The following FBXL19 variants were observed in gnomAD, a reference collection of about 807,000 sequenced individuals.
FBXL19 encodes the protein F-box/LRR-repeat protein 19.
Under a neutral mutation model 71.2 loss-of-function variants are expected in FBXL19, and 16 were observed. That is an observed-to-expected ratio of 0.22 (90% CI 0.15 to 0.34). FBXL19 has a LOEUF of 0.34. Ranked by LOEUF, FBXL19 falls within the 10% of genes least tolerant of loss-of-function variation. The probability of loss-of-function intolerance (pLI) is 1.00; values close to 1 mark genes in which losing one functional copy is unlikely to be tolerated. For synonymous variants in FBXL19, 447 were observed against 409.4 expected, an observed-to-expected ratio of 1.09 and a Z score of -1.11; for missense variants, 658 against 968.2, an observed-to-expected ratio of 0.68 and a Z score of 4.25.
In FBXL19 at chr16:30,946,708, G is replaced by T. The variant is rs768820792; in HGVS notation, c.1628-22G>T. On this transcript the variant is annotated intron_variant, in intron 9 of 10. Transcript: ENST00000338343. The surrounding 1 kb of genome is among the most constrained non-coding windows in gnomAD (Gnocchi z 6.7). The stretch of plus-strand genomic sequence containing the variant: ...AGGGATGGGAGTGGCCAGGAGTGCT[G>T]ACCTCTCATCTGGCTGCCCAGGGCA... The T allele has an allele frequency of 6.2e-7, 1 of 1,603,780 alleles. No individual in the cohort carries two copies. The highest frequency in any genetic ancestry group is 8.5e-7 in the Non-Finnish European group (1 of 1,176,014).
At chr16:30,932,839 CTTTTTTTT>C (rs1188274971) in intron 7 of FBXL19, among the ~76,000 whole-genome samples, 1 of 130,480 alleles carries the variant, frequency 7.7e-6, no homozygotes, top group Non-Finnish European at 1.6e-5. Flanking sequence ...GCAATGATAA[CTTTTTTTT>C]TTTTTTTTTT....
chr16:30,925,644 G>A lies in FBXL19; in HGVS notation c.-24-87G>A. Reference sequence around the variant, plus strand: ...CCCCTGAGGAAGAGGGCAGGCTCTAGCTGCCTGTAGGTGGAGGGACCTGTC... The same window carrying A: ...CCCCTGAGGAAGAGGGCAGGCTCTAACTGCCTGTAGGTGGAGGGACCTGTC... On this transcript the variant is annotated intron_variant, in intron 1 of 10. Transcript: ENST00000338343. This position sits in a 1 kb window ranked among gnomAD's most constrained non-coding sequence, Gnocchi z 5.0. 7.5e-7 allele frequency: 1 copy of A among 1,339,758 alleles called. No individual in the cohort carries two copies. Among genetic ancestry groups the A allele is most frequent in the Non-Finnish European group, 9.6e-7 (1 of 1,041,884 alleles). 83.0% of individuals were successfully genotyped at this position (1,339,758 alleles called of 1,614,324 possible). A position where few individuals can be genotyped will look rare whatever the true frequency, so the allele number is the denominator to read the frequency against.
At chr16:30,932,006 G>A (rs1351660008) in intron 7 of FBXL19, among the ~76,000 whole-genome samples, 2 of 151,754 alleles carry the variant, frequency 1.3e-5, no homozygotes, top group East Asian at 3.8e-4. Flanking sequence ...CTCCCAAAGT[G>A]CTGGGATTAC....
In FBXL19 at chr16:30,928,447, T is replaced by C; in HGVS notation, c.628-20T>C. 6.5e-7 allele frequency: 1 copy of C among 1,542,610 alleles called. No homozygotes were observed. Among genetic ancestry groups the C allele is most frequent in the Non-Finnish European group, 8.7e-7 (1 of 1,143,886 alleles). On this transcript the variant is annotated intron_variant, in intron 5 of 10. Transcript: ENST00000338343. ...AATGGGGTCTCTCCCTTCCTCCATA[T>C]CTCCCTCTCACCCTGGTAGGTGAAA... is the stretch of plus-strand genomic sequence containing the variant.
chr16:30,943,597 A>G (rs2055825911), intron 9 of FBXL19, among the ~76,000 whole-genome samples: 1 of 151,574 alleles, frequency 6.6e-6, no homozygotes, highest in African/African-American at 2.4e-5. Context: ...GATGGTCTTG[A>G]TCTCCTGACC....
intron 2 of FBXL19, among the ~76,000 whole-genome samples, chr16:30,926,902 G>A (rs963307016): frequency 6.6e-6 from 1 of 152,158 alleles, no homozygotes; most frequent in Admixed American, 6.5e-5. Context: ...TGCTCATGGA[G>A]CGACCTTGGT....
Position 30,946,883 on chromosome 16 carries a change from G to C in FBXL19, c.1781G>C (p.Ser594Thr). The change falls in exon 10 of 11, where the codon AGT (serine) becomes ACT (threonine). Residue 594 changes from serine to threonine, a missense_variant. This residue lies in a region of FBXL19 where 69 missense variants were observed against 177.8 expected (regional missense o/e 0.39). Coordinates refer to ENST00000338343, the MANE Select transcript of FBXL19 (RefSeq NM_001382779.1). The surrounding 1 kb of genome is among the most constrained non-coding windows in gnomAD (Gnocchi z 6.7). The stretch of plus-strand genomic sequence containing the variant: ...CACTGCGCCCACGTCGGGGACCCCA[G>C]TGTTCACCTCCTCACGGCCCCCACG... ...LSHCAHVGDP[S>T]VHLLTAPTSP... 1.2e-6 allele frequency: 2 copies of C among 1,611,584 alleles called. No homozygotes were observed. Among genetic ancestry groups the C allele is most frequent in the Non-Finnish European group, 1.7e-6 (2 of 1,179,482 alleles).
chr16:30,943,519 C>T (rs1056827639), intron 9 of FBXL19, among the ~76,000 whole-genome samples: 8 of 151,712 alleles, frequency 5.3e-5, no homozygotes, highest in Middle Eastern at 3.2e-3. Context: ...GGACTACAGG[C>T]GCCCGCCACC....
At chr16:30,940,207 A>G (rs1167415897) in intron 7 of FBXL19, among the ~76,000 whole-genome samples, 1 of 151,884 alleles carries the variant, frequency 6.6e-6, no homozygotes, top group Non-Finnish European at 1.5e-5. Flanking sequence ...TCAGTGAGCC[A>G]AGATCACACC....
At chr16:30,937,607 G>A (rs567523301) in intron 7 of FBXL19, among the ~76,000 whole-genome samples, 1 of 152,260 alleles carries the variant, frequency 6.6e-6, no homozygotes, top group African/African-American at 2.4e-5. Flanking sequence ...GGGGACTGAT[G>A]AGCTGTAGCC....
chr16:30,928,391 T>C (rs929483557), intron 5 of FBXL19, 76 bp from the exon 6 acceptor site: 41 of 1,402,990 alleles, frequency 2.9e-5, no homozygotes, highest in Admixed American at 1.1e-4. Flanking sequence ...GAGGAGGGCA[T>C]GGACCTTAGA....
rs955097738 is a variant in FBXL19, at chr16:30,946,083, C to T, written c.1628-647C>T. Reference sequence around the variant, plus strand: ...AGCTGTACAGGAAGTATCGTGCCTGCGTCTGCTCAGCTTCTGGGGAAGCCT... The same window carrying T: ...AGCTGTACAGGAAGTATCGTGCCTGTGTCTGCTCAGCTTCTGGGGAAGCCT... On this transcript the variant is annotated intron_variant, in intron 9 of 10. Transcript: ENST00000338343. This position sits in a 1 kb window ranked among gnomAD's most constrained non-coding sequence, Gnocchi z 6.7. Among the ~76,000 whole-genome samples, 8 of 152,228 alleles carry T rather than the reference C, an allele frequency of 5.3e-5. No individual in the cohort carries two copies. Among genetic ancestry groups the T allele is most frequent in the East Asian group, 1.9e-4 (1 of 5,176 alleles).
chr16:30,923,010 C>G (rs1160491211), upstream of FBXL19: 1 of 456,530 alleles, frequency 2.2e-6, no homozygotes, highest in African/African-American at 2.0e-5. Context: ...TCCCATCGCA[C>G]CTCGTAAGAT....
intron 7 of FBXL19, among the ~76,000 whole-genome samples, chr16:30,936,527 G>T (rs1165961296): frequency 6.7e-6 from 1 of 148,160 alleles, no homozygotes. Context: ...CCGGATTCAC[G>T]CCATTCTCCT....
rs187090355 is a variant in FBXL19 at position 30,939,512 on chromosome 16, C to G, written c.1302-2604C>G. Among the ~76,000 whole-genome samples, 217 of 150,126 alleles carry G rather than the reference C, an allele frequency of 1.4e-3. 8 individuals are homozygous for G. Among genetic ancestry groups the G allele is most frequent in the African/African-American group, 5.1e-3 (208 of 40,818 alleles). ...CACTGCAAGCTCCACCTCCCAGATT[C>G]ACGCCATTCTCCTGCCTCAGCCTCC... On this transcript the variant is annotated intron_variant, in intron 7 of 10. Transcript: ENST00000338343.
At chr16:30,938,026 GT>G (rs1346755414) in intron 7 of FBXL19, among the ~76,000 whole-genome samples, 1 of 152,100 alleles carries the variant, frequency 6.6e-6, no homozygotes, top group African/African-American at 2.4e-5. Context: ...GCATGAGTTG[GT>G]TTTTTTCCTT....
At chr16:30,941,741 G>A (rs2055804579) in intron 7 of FBXL19, among the ~76,000 whole-genome samples, 1 of 152,204 alleles carries the variant, frequency 6.6e-6, no homozygotes, top group African/African-American at 2.4e-5. Flanking sequence ...ATGACATCAG[G>A]CAGCATGCGT....
chr16:30,923,610 G>A lies in FBXL19; in HGVS notation c.-874G>A, dbSNP rs1375220708. ...GGAGGAAGGAGCTGAGGAGGGATGA[G>A]AGAGGCGGCCAGGGCCCCGGGCCGT... is the stretch of plus-strand genomic sequence containing the variant. On this transcript the variant is annotated 5_prime_UTR_variant, in exon 1 of 11. Coordinates refer to ENST00000338343, the MANE Select transcript of FBXL19 (RefSeq NM_001382779.1). Among the ~76,000 whole-genome samples the A allele has an allele frequency of 1.3e-5, 2 of 151,474 alleles. No individual in the cohort carries two copies. The highest frequency in any genetic ancestry group is 3.0e-5 in the Non-Finnish European group (2 of 67,710).
rs2055632612 is a variant in FBXL19, at chr16:30,928,617, G to A, written c.778G>A (p.Glu260Lys). The A allele has an allele frequency of 5.7e-6, 9 of 1,582,038 alleles. No homozygotes were observed. Among genetic ancestry groups the A allele is most frequent in the African/African-American group, 2.7e-5 (2 of 73,098 alleles). ...FSSCHPGLPP[E>K]NWEKPKPPLA... Reference sequence around the variant, plus strand: ...ATCCTGCCACCCTGGGCTCCCTCCCGAGAACTGGGAGGTGTGCCGGGGACC... The same window carrying A: ...ATCCTGCCACCCTGGGCTCCCTCCCAAGAACTGGGAGGTGTGCCGGGGACC... Residue 260 changes from glutamate (E) to lysine (K), a missense_variant, in exon 6 of 11, where the codon GAG (glutamate) becomes AAG (lysine). This residue lies in a region of FBXL19 where 447 missense variants were observed against 515.4 expected (regional missense o/e 0.87). Transcript: ENST00000338343.
Sources: gnomAD v4.1 joint callset for allele counts (sites outside exome capture counted in the v4.1 genomes callset) on GRCh38, gnomAD v4.1.1 for gene constraint, gnomAD v4.1.1 regional missense constraint, Gnocchi (gnomAD v3.1) non-coding constraint, MANE v1.5 for transcripts, NCBI Gene and HGNC (gene_info 2026-07-23, HGNC 2026-07-21) for gene names.